Variants in PCCA observed in about 807,000 individuals in gnomAD.
The protein encoded by PCCA is propionyl-CoA carboxylase alpha chain, mitochondrial.
PCCA carries 74 observed loss-of-function variants against 101.3 expected under a neutral mutation model. The observed-to-expected ratio is 0.73, with a 90% CI of 0.61 to 0.89. The LOEUF is 0.89. PCCA is among the 40% of genes least tolerant of loss of function. The pLI is 0.00. For missense variants in PCCA, 891 were observed against 907.0 expected (o/e 0.98, Z 0.23); for synonymous variants, 294 against 313.6 (o/e 0.94, Z 0.66).
At chr13:100,299,228 AAG>A (rs1158493202) in intron 12 of PCCA, among the ~76,000 whole-genome samples, 1 of 152,166 alleles carries the variant, frequency 6.6e-6, no homozygotes, top group Non-Finnish European at 1.5e-5. Context: ...TATATGACTT[AAG>A]TTTAGAACAC....
chr13:100,211,178 A>G (rs567863253), intron 7 of PCCA, among the ~76,000 whole-genome samples: 2 of 152,368 alleles, frequency 1.3e-5, no homozygotes, highest in South Asian at 2.1e-4. Context: ...TCTGCGTATC[A>G]TAGTTCTCAC....
chr13:100,399,696 C>A (rs1446490575), intron 19 of PCCA, among the ~76,000 whole-genome samples: 2 of 152,200 alleles, frequency 1.3e-5, no homozygotes, highest in East Asian at 3.8e-4. Flanking sequence ...TGGTAATAAG[C>A]ATTTTTATAT....
At chr13:100,263,514 A>G (rs989168674) in intron 10 of PCCA, among the ~76,000 whole-genome samples, 2 of 152,176 alleles carry the variant, frequency 1.3e-5, no homozygotes, top group African/African-American at 4.8e-5. Flanking sequence ...ATTTTCTGAC[A>G]GGGGCATGAT....
chr13:100,519,700 G>A (rs1297070049), intron 22 of PCCA, among the ~76,000 whole-genome samples: 1 of 152,184 alleles, frequency 6.6e-6, no homozygotes, highest in Non-Finnish European at 1.5e-5. Flanking sequence ...GCTTATAGCC[G>A]ACCATACAGA....
At chr13:100,108,565 A>ACACATGCTGTTCAT (rs2048021932) in intron 2 of PCCA, among the ~76,000 whole-genome samples, 1 of 152,132 alleles carries the variant, frequency 6.6e-6, no homozygotes, top group East Asian at 1.9e-4. Flanking sequence ...CTCTTCTTCC[A>ACACATGCTGTTCAT]GTGTCACGGC....
chr13:100,379,092 C>A (rs2076082282), intron 19 of PCCA, among the ~76,000 whole-genome samples: 2 of 151,980 alleles, frequency 1.3e-5, no homozygotes, highest in Non-Finnish European at 2.9e-5. Flanking sequence ...AAGACTTTTT[C>A]CTGAAGATGT....
intron 19 of PCCA, among the ~76,000 whole-genome samples, chr13:100,408,149 C>T (rs1167799032): frequency 6.6e-6 from 1 of 152,214 alleles, no homozygotes; most frequent in Non-Finnish European, 1.5e-5. Flanking sequence ...GAGACTCCGT[C>T]TTAAACAAAC....
intron 8 of PCCA, among the ~76,000 whole-genome samples, chr13:100,239,756 A>G (rs1172693883): frequency 1.3e-5 from 2 of 152,168 alleles, no homozygotes; most frequent in Non-Finnish European, 2.9e-5. Context: ...CTGTCCTTTA[A>G]CAACTTCCAG....
intron 12 of PCCA, among the ~76,000 whole-genome samples, chr13:100,284,743 T>C (rs1409570795): frequency 6.6e-6 from 1 of 152,172 alleles, no homozygotes; most frequent in African/African-American, 2.4e-5. Context: ...CTTCTATATT[T>C]CCCTGCACTC....
intron 18 of PCCA, among the ~76,000 whole-genome samples, chr13:100,347,519 T>G (rs1435868257): frequency 6.6e-6 from 1 of 152,226 alleles, no homozygotes; most frequent in East Asian, 1.9e-4. Context: ...TATGTTATAT[T>G]GTGATTTGTA....
intron 17 of PCCA, among the ~76,000 whole-genome samples, chr13:100,337,358 C>G (rs1367576973): frequency 6.6e-6 from 1 of 152,180 alleles, no homozygotes; most frequent in Non-Finnish European, 1.5e-5. Context: ...AGCTGGTCTA[C>G]CACCCCCAGA....
chr13:100,173,207 A>G (rs1454668190), intron 6 of PCCA, among the ~76,000 whole-genome samples: 1 of 152,202 alleles, frequency 6.6e-6, no homozygotes, highest in African/African-American at 2.4e-5. Context: ...GAAAGAGAAT[A>G]GTGGAAGCAG....
chr13:100,171,807 C>T (rs183090325), intron 6 of PCCA, among the ~76,000 whole-genome samples: 5 of 152,090 alleles, frequency 3.3e-5, no homozygotes, highest in African/African-American at 1.2e-4. Flanking sequence ...CCAAGGTGGA[C>T]AGATCACGAG....
chr13:100,104,650 A>C (rs181691136), intron 2 of PCCA: 1 of 152,208 alleles, frequency 6.6e-6, no homozygotes, highest in African/African-American at 2.4e-5. Context: ...TAGTATCTTC[A>C]TAGCAATGTA....
intron 1 of PCCA, among the ~76,000 whole-genome samples, chr13:100,093,003 C>T (rs1020352134): frequency 2.0e-5 from 3 of 152,142 alleles, no homozygotes; most frequent in Non-Finnish European, 4.4e-5. Flanking sequence ...GTAAAAACTG[C>T]TCTAGTCCTT....
At chr13:100,297,339 G>T (rs1256641026) in intron 12 of PCCA, among the ~76,000 whole-genome samples, 4 of 152,174 alleles carry the variant, frequency 2.6e-5, no homozygotes, top group African/African-American at 9.7e-5. Context: ...TTTGTATTTA[G>T]TGAGGAATAG....
intron 16 of PCCA, among the ~76,000 whole-genome samples, chr13:100,321,590 TCTGTGTGTGTGTG>T (rs898450321): frequency 1.2e-4 from 3 of 24,298 alleles, no homozygotes; most frequent in African/African-American, 5.1e-4. Flanking sequence ...CTATAGAAGA[TCTGTGTGTGTGTG>T]TGTGTGTGTG....
In PCCA at chr13:100,342,021, A is replaced by C. The variant is rs143404292; in HGVS notation, c.1643+1762A>C. Among the ~76,000 whole-genome samples the C allele has an allele frequency of 9.6e-4, 131 of 136,784 alleles. 1 individual carries two copies. In the East Asian group the frequency reaches 0.025, roughly 26 times the overall value. The allele number at this position is 136,784 out of a possible 152,430, so 89.7% of individuals were successfully genotyped here. ...TGTATATATATGTATTTTTATATAC[A>C]TACATGTAGCATTTATACTTTGCAT... is the stretch of plus-strand genomic sequence containing the variant. On this transcript the variant is annotated intron_variant, in intron 18 of 23. Transcript: ENST00000376285.
At chr13:100,218,478 A>G (rs2059640555) in intron 7 of PCCA, among the ~76,000 whole-genome samples, 1 of 151,830 alleles carries the variant, frequency 6.6e-6, no homozygotes, top group South Asian at 2.1e-4. Context: ...CACTGCGCCC[A>G]GCCATATGTC....
Sources: allele counts gnomAD v4.1 joint callset (sites outside exome capture counted in the v4.1 genomes callset), GRCh38; gene constraint gnomAD v4.1.1; transcripts MANE v1.5; gene names NCBI Gene and HGNC (gene_info 2026-07-23, HGNC 2026-07-21).